The following HNRNPLL variants were observed in gnomAD, a reference collection of about 807,000 sequenced individuals.
The protein encoded by HNRNPLL is heterogeneous nuclear ribonucleoprotein L like, also known as heterogeneous nuclear ribonucleoprotein L-like.
HNRNPLL carries 25 observed loss-of-function variants against 67.1 expected under a neutral mutation model. The ratio of observed to expected loss-of-function variants is 0.37; its 90% confidence interval spans 0.27 to 0.52. The LOEUF is 0.52. Among genes scored for constraint, HNRNPLL ranks in the 20% least tolerant of loss-of-function variants. HNRNPLL has a pLI of 0.90. For synonymous variants in HNRNPLL, 267 were observed against 241.7 expected, an observed-to-expected ratio of 1.10 and a Z score of -0.97; for missense variants, 542 against 673.9, an observed-to-expected ratio of 0.80 and a Z score of 2.17.
At chr2:38,568,533 T>C in intron 10 of HNRNPLL, 90 bp from the exon 11 acceptor site, 1 of 776,222 alleles carries the variant, frequency 1.3e-6, no homozygotes, top group Non-Finnish European at 2.1e-6. Flanking sequence ...AGAATTTAAG[T>C]TTTAATTCTC....
At position 38,569,138 on chromosome 2, in the gene HNRNPLL, T is replaced by G; in HGVS notation, c.1411A>C (p.Thr471Pro). Reference protein sequence around the residue: ...VPLCVTEETFTKLCNDHEVLT... With the variant: ...VPLCVTEETFPKLCNDHEVLT... ...ATTTGTATTTCAGTGCCTACCTTTG[T>G]GAAGGTCTCTTCTGTGACACACAAT... The change falls in exon 10 of 13, where the codon ACA becomes CCA. Residue 471 changes from threonine to proline, a missense_variant. Physicochemically the swap from Thr to Pro is conservative, Grantham distance 38. Around this residue, in one of 2 missense-constraint regions of HNRNPLL, gnomAD observed 415 missense variants for 575.2 expected, o/e 0.72. Transcript: ENST00000449105. 6.3e-7 allele frequency: 1 copy of G among 1,598,274 alleles called. No individual in the cohort carries two copies. Among genetic ancestry groups the G allele is most frequent in the South Asian group, 1.1e-5 (1 of 90,800 alleles).
intron 12 of HNRNPLL, among the ~76,000 whole-genome samples, chr2:38,567,317 C>T (rs1573719003): frequency 6.6e-6 from 1 of 151,934 alleles, no homozygotes; most frequent in East Asian, 1.9e-4. Context: ...GGTTTCGCCA[C>T]ATTGGCCAAG....
intron 8 of HNRNPLL, among the ~76,000 whole-genome samples, chr2:38,570,205 A>G (rs1299569246): frequency 6.6e-6 from 1 of 152,220 alleles, no homozygotes; most frequent in Non-Finnish European, 1.5e-5. Context: ...AACTTCTCTG[A>G]GCCATGGATT....
intron 6 of HNRNPLL, among the ~76,000 whole-genome samples, chr2:38,578,703 C>G (rs1666401675): frequency 6.6e-6 from 1 of 152,006 alleles, no homozygotes; most frequent in African/African-American, 2.4e-5. Context: ...CATTTAGCTT[C>G]TGCTTACCCA....
intron 1 of HNRNPLL, among the ~76,000 whole-genome samples, chr2:38,596,166 C>T (rs1667180547): frequency 2.0e-5 from 3 of 152,116 alleles, no homozygotes; most frequent in African/African-American, 7.2e-5. Context: ...TCCTGAGCTT[C>T]GTTTTCCCCC....
chr2:38,565,916 A>G, intron 12 of HNRNPLL: 1 of 588,386 alleles, frequency 1.7e-6, no homozygotes, highest in African/African-American at 2.0e-5. Flanking sequence ...TTTGAAAGCT[A>G]GAATATTTTA....
intron 3 of HNRNPLL, among the ~76,000 whole-genome samples, chr2:38,585,183 CAA>C (rs1422860549): frequency 6.6e-6 from 1 of 152,056 alleles, no homozygotes; most frequent in Non-Finnish European, 1.5e-5. Context: ...TAACACTTTT[CAA>C]AAGAGTAAAG....
chr2:38,602,146 G>T, intron 1 of HNRNPLL: 1 of 446,790 alleles, frequency 2.2e-6, no homozygotes, highest in Non-Finnish European at 3.9e-6. Context: ...ACCCCCCAGA[G>T]CGGAAGCGAC....
In HNRNPLL at chr2:38,570,251, C is replaced by T. The variant is rs139327763; in HGVS notation, c.1093-326G>A. 5.6e-4 allele frequency among the ~76,000 whole-genome samples: 85 copies of T among 152,300 alleles called. 1 individual carries two copies. Among genetic ancestry groups the T allele is most frequent in the Middle Eastern group, 6.8e-3 (2 of 294 alleles). On this transcript the variant is annotated intron_variant, in intron 8 of 12. Coordinates refer to ENST00000449105, the MANE Select transcript of HNRNPLL (RefSeq NM_138394.4). ...ATACAGATAATACCATCTGGCAGGACTCGTTAATATTTACTCTTTCAACAA... is the reference window on the plus strand; with the variant it reads ...ATACAGATAATACCATCTGGCAGGATTCGTTAATATTTACTCTTTCAACAA...
intron 8 of HNRNPLL, among the ~76,000 whole-genome samples, chr2:38,572,412 G>C: frequency 6.6e-6 from 1 of 151,980 alleles, no homozygotes; most frequent in African/African-American, 2.4e-5. Context: ...CTGTTGCAAA[G>C]AACACTAAAA....
chr2:38,594,627 C>G (rs919980809), intron 1 of HNRNPLL, among the ~76,000 whole-genome samples: 4 of 151,970 alleles, frequency 2.6e-5, no homozygotes, highest in African/African-American at 4.8e-5. Flanking sequence ...ATATTTAAAG[C>G]CTGAAAAAAG....
At chr2:38,598,385 G>C (rs1667296476) in intron 1 of HNRNPLL, among the ~76,000 whole-genome samples, 1 of 152,152 alleles carries the variant, frequency 6.6e-6, no homozygotes, top group Non-Finnish European at 1.5e-5. Context: ...CAAATCCCTG[G>C]ATCCAGCCAT....
intron 1 of HNRNPLL, among the ~76,000 whole-genome samples, chr2:38,592,123 T>C (rs951501544): frequency 5.3e-5 from 8 of 152,228 alleles, no homozygotes; most frequent in South Asian, 2.1e-4. Flanking sequence ...TAAATGTTTG[T>C]TTTAAAATTT....
intron 12 of HNRNPLL, among the ~76,000 whole-genome samples, chr2:38,565,388 C>CT (rs931166084): frequency 5.3e-5 from 8 of 151,702 alleles, no homozygotes; most frequent in Non-Finnish European, 1.0e-4. Context: ...ATAAAATTTC[C>CT]TTTTTTTTCT....
intron 2 of HNRNPLL, among the ~76,000 whole-genome samples, chr2:38,587,483 T>C (rs948138163): frequency 6.6e-6 from 1 of 152,092 alleles, no homozygotes; most frequent in Non-Finnish European, 1.5e-5. Context: ...TCATTCAAAA[T>C]TAAAGAAGTA....
At chr2:38,567,181 G>T (rs1298566908) in intron 12 of HNRNPLL, among the ~76,000 whole-genome samples, 1 of 152,114 alleles carries the variant, frequency 6.6e-6, no homozygotes, top group Non-Finnish European at 1.5e-5. Context: ...TCGTCTCACT[G>T]CAACCTCACC....
intron 12 of HNRNPLL, among the ~76,000 whole-genome samples, chr2:38,565,656 A>C (rs547528699): frequency 8.6e-5 from 13 of 150,432 alleles, no homozygotes; most frequent in Non-Finnish European, 4.4e-5. Flanking sequence ...TGAGCTCAGG[A>C]AAGTCGAGGC....
chr2:38,569,477 T>A, intron 9 of HNRNPLL, 143 bp from the exon 10 acceptor site: 1 of 615,346 alleles, frequency 1.6e-6, no homozygotes, highest in Non-Finnish European at 2.9e-6. Context: ...GAGGATTTAG[T>A]TTGGGTTATA....
chr2:38,589,802 G>T (rs1666891114), intron 2 of HNRNPLL, among the ~76,000 whole-genome samples: 1 of 152,008 alleles, frequency 6.6e-6, no homozygotes, highest in African/African-American at 2.4e-5. Context: ...ATTTATATTT[G>T]CTCATCAACT....
Sources: gnomAD v4.1 joint callset for allele counts (sites outside exome capture counted in the v4.1 genomes callset) on GRCh38, gnomAD v4.1.1 for gene constraint, gnomAD v4.1.1 regional missense constraint, MANE v1.5 for transcripts, NCBI Gene and HGNC (gene_info 2026-07-23, HGNC 2026-07-21) for gene names.